PPP2R1B: variants seen among roughly 807,000 people sequenced by gnomAD.
The protein encoded by PPP2R1B is serine/threonine-protein phosphatase 2A 65 kDa regulatory subunit A beta isoform.
In PPP2R1B, 58 loss-of-function variants were observed where a neutral mutation model predicts 72.7. The observed-to-expected ratio is 0.80, with a 90% CI of 0.65 to 0.99. The LOEUF is 0.99. Ranked by LOEUF, PPP2R1B falls within the 50% of genes least tolerant of loss-of-function variation. PPP2R1B has a pLI of 0.00. For synonymous variants in PPP2R1B, 256 were observed against 264.6 expected (o/e 0.97, Z 0.32); for missense variants, 695 against 733.6 (o/e 0.95, Z 0.61).
chr11:111,728,708 C>T (rs575887305), intron 15 of PPP2R1B: 1 of 152,128 alleles, frequency 6.6e-6, no homozygotes, highest in South Asian at 2.1e-4. Context: ...GCAGGCGGAT[C>T]ACGAGGTCAG....
intron 11 of PPP2R1B, among the ~76,000 whole-genome samples, chr11:111,746,549 G>C (rs186962623): frequency 6.6e-6 from 1 of 152,174 alleles, no homozygotes; most frequent in Non-Finnish European, 1.5e-5. Context: ...CTAGACGACA[G>C]GTTGATAGAT....
chr11:111,733,850 AG>A (rs1441910149), downstream of PPP2R1B, among the ~76,000 whole-genome samples: 4 of 152,204 alleles, frequency 2.6e-5, no homozygotes, highest in African/African-American at 9.7e-5. Context: ...TGAGAGGGCC[AG>A]GCAAGGAGGG....
chr11:111,743,673 A>G, intron 11 of PPP2R1B, 143 bp from the exon 12 acceptor site: 1 of 1,035,686 alleles, frequency 9.7e-7, no homozygotes, highest in South Asian at 1.6e-5. Flanking sequence ...CTGCAATGAC[A>G]AGCATGCTCA....
At chr11:111,722,759 G>C, downstream of PPP2R1B, 1 of 1,613,458 alleles carries the variant, frequency 6.2e-7, no homozygotes, top group Non-Finnish European at 8.5e-7. This position sits in a 1 kb window ranked among gnomAD's most constrained non-coding sequence, Gnocchi z 4.4. Flanking sequence ...GAACATAGGT[G>C]AGAAGGGGAC....
intron 11 of PPP2R1B, among the ~76,000 whole-genome samples, chr11:111,745,993 T>C (rs1944691677): frequency 6.6e-6 from 1 of 152,256 alleles, no homozygotes. Flanking sequence ...TTCAGCATGC[T>C]GCTGCAGTGA....
chr11:111,741,476 T>C lies in PPP2R1B; in HGVS notation c.*120A>G. The C allele has an allele frequency of 2.6e-6, 4 of 1,512,356 alleles. No homozygotes were observed. The highest frequency in any genetic ancestry group is 3.5e-6 in the Non-Finnish European group (4 of 1,135,618). 93.7% of individuals were successfully genotyped at this position (1,512,356 alleles called of 1,614,324 possible). On this transcript the variant is annotated 3_prime_UTR_variant, in exon 15 of 15. Transcript: ENST00000527614. ...TCACTAAATGATTTCTTCTAAGTTGTTGCCATTTGCTTGGATGAGATCTTG... is the reference window on the plus strand; with the variant it reads ...TCACTAAATGATTTCTTCTAAGTTGCTGCCATTTGCTTGGATGAGATCTTG...
At chr11:111,704,866 CTT>C in the PPP2R1B span, 1 of 1,185,224 alleles carries the variant, frequency 8.4e-7, no homozygotes, top group East Asian at 2.8e-5. Flanking sequence ...TCTTGAGACA[CTT>C]TGTTTTTCAC....
intron 4 of PPP2R1B, 96 bp downstream of exon 4, chr11:111,760,723 G>A: frequency 9.4e-7 from 1 of 1,069,464 alleles, no homozygotes; most frequent in East Asian, 2.6e-5. Flanking sequence ...AAGGTACTAT[G>A]TAAATTGTCA....
the PPP2R1B span, among the ~76,000 whole-genome samples, chr11:111,692,448 G>A: frequency 2.7e-5 from 4 of 146,196 alleles, no homozygotes; most frequent in Non-Finnish European, 6.0e-5. Context: ...TCTGCCTCAA[G>A]CAGATGGATC....
chr11:111,763,894 A>G (rs879968965), intron 3 of PPP2R1B, among the ~76,000 whole-genome samples: 4 of 151,916 alleles, frequency 2.6e-5, no homozygotes, highest in African/African-American at 9.7e-5. Flanking sequence ...ATACTTATCT[A>G]TTAATCAATC....
rs1442150223 is a variant in PPP2R1B, at chr11:111,741,717, A to G, written c.1790-105T>C. The stretch of plus-strand genomic sequence containing the variant: ...ATGATCCAAACGTATCAAACTAACA[A>G]CTTCTCACTGTGGTTACTGTCTTTA... On this transcript the variant is annotated intron_variant, in intron 14 of 14. Transcript: ENST00000527614. 9.5e-6 allele frequency: 12 copies of G among 1,265,158 alleles called. No individual in the cohort carries two copies. The Admixed American group carries it at 1.0e-4, about 11-fold the overall frequency. 78.4% of individuals were successfully genotyped at this position (1,265,158 alleles called of 1,614,324 possible).
Position 111,755,345 on chromosome 11 carries a change from C to T in PPP2R1B, c.793G>A (p.Glu265Lys). Reference protein sequence around the residue: ...LVMPTLRQAAEDKSWRVRYMV... With the variant: ...LVMPTLRQAAKDKSWRVRYMV... Reference sequence around the variant, plus strand: ...TAGCGAACGCGCCAAGATTTATCTTCTGCTGCTTGTCGAAGTGTAGGCATC... The same window carrying T: ...TAGCGAACGCGCCAAGATTTATCTTTTGCTGCTTGTCGAAGTGTAGGCATC... Residue 265 changes from glutamate (E) to lysine (K), a missense_variant, in exon 6 of 15, where the codon GAA (glutamate) becomes AAA (lysine). By Grantham distance (56) the Glu-to-Lys change is moderately conservative. Coordinates refer to ENST00000527614, the MANE Select transcript of PPP2R1B (RefSeq NM_002716.5). The T allele has an allele frequency of 6.2e-7, 1 of 1,613,726 alleles. No homozygotes were observed. Among genetic ancestry groups the T allele is most frequent in the South Asian group, 1.1e-5 (1 of 90,960 alleles).
intron 10 of PPP2R1B, among the ~76,000 whole-genome samples, chr11:111,749,310 ATC>A (rs1163666716): frequency 6.8e-6 from 1 of 147,006 alleles, no homozygotes; most frequent in East Asian, 2.1e-4. Context: ...TCGAGACGGA[ATC>A]TCTCTCTGTC....
At chr11:111,757,813 C>T (rs1195387162) in intron 5 of PPP2R1B, among the ~76,000 whole-genome samples, 2 of 145,086 alleles carry the variant, frequency 1.4e-5, no homozygotes, top group Non-Finnish European at 1.5e-5. Context: ...CCAGCCTGGG[C>T]GACAGGAGTG....
chr11:111,703,699 A>G, the PPP2R1B span, among the ~76,000 whole-genome samples: 1 of 152,244 alleles, frequency 6.6e-6, no homozygotes, highest in Admixed American at 6.5e-5. Flanking sequence ...CAAGGTAGAA[A>G]GTTTCTTCCA....
the PPP2R1B span, chr11:111,712,418 G>A: frequency 1.3e-6 from 2 of 1,581,092 alleles, no homozygotes; most frequent in Non-Finnish European, 1.7e-6. Flanking sequence ...AGTTTGGCGA[G>A]AGATTTCAGT....
chr11:111,765,341 G>A lies in PPP2R1B; in HGVS notation c.158C>T (p.Ala53Val), dbSNP rs115024857. 2.5e-6 allele frequency: 4 copies of A among 1,613,688 alleles called. No homozygotes were observed. In the East Asian group the frequency reaches 8.9e-5, roughly 36 times the overall value. ...ACTTCGGGTCCTTTCTACTCCAAGT[G>A]CTAGGGCAATTGTTGATAACTTCTT... ...SIKKLSTIAL[A>V]LGVERTRSEL... The change falls in exon 2 of 15, where the codon GCA becomes GTA. Residue 53 changes from alanine (A) to valine (V), a missense_variant. By Grantham distance (64) the Ala-to-Val change is moderately conservative. Coordinates refer to ENST00000527614, the MANE Select transcript of PPP2R1B (RefSeq NM_002716.5).
intron 10 of PPP2R1B, among the ~76,000 whole-genome samples, chr11:111,750,735 T>C (rs997760153): frequency 6.6e-6 from 1 of 152,104 alleles, no homozygotes; most frequent in African/African-American, 2.4e-5. Context: ...AACATGGTAT[T>C]AGTTAGGGTA....
chr11:111,752,399 C>CA (rs1158688723), intron 9 of PPP2R1B, 67 bp from the exon 10 acceptor site: 290 of 1,443,658 alleles, frequency 2.0e-4, no homozygotes, highest in Non-Finnish European at 2.5e-4. Flanking sequence ...AGTCTCCTGT[C>CA]AGGGTAAGAT....
Sources: gnomAD v4.1 joint callset for allele counts (sites outside exome capture counted in the v4.1 genomes callset) on GRCh38, gnomAD v4.1.1 for gene constraint, Gnocchi (gnomAD v3.1) non-coding constraint, MANE v1.5 for transcripts, NCBI Gene and HGNC (gene_info 2026-07-23, HGNC 2026-07-21) for gene names.